The following CFAP52 variants were observed in gnomAD, a reference collection of about 807,000 sequenced individuals.
The protein encoded by CFAP52 is cilia- and flagella-associated protein 52.
CFAP52 carries 57 observed loss-of-function variants against 70.5 expected under a neutral mutation model. The ratio of observed to expected loss-of-function variants is 0.81; its 90% CI spans 0.65 to 1.01. The LOEUF is 1.01. Ranked by LOEUF, CFAP52 falls within the 50% of genes least tolerant of loss-of-function variation. CFAP52 has a pLI of 0.00. For missense variants in CFAP52, 785 were observed against 788.5 expected (o/e 1.00, Z 0.05); for synonymous variants, 267 against 292.5 (o/e 0.91, Z 0.89).
At chr17:9,587,211 A>C (rs1159455394) in intron 3 of CFAP52, among the ~76,000 whole-genome samples, 1 of 152,040 alleles carries the variant, frequency 6.6e-6, no homozygotes, top group Non-Finnish European at 1.5e-5. Context: ...ATTCTTTTTT[A>C]TGGCTGCGTA....
intron 7 of CFAP52, among the ~76,000 whole-genome samples, chr17:9,611,921 C>T (rs1909728027): frequency 6.6e-6 from 1 of 152,124 alleles, no homozygotes; most frequent in Non-Finnish European, 1.5e-5. Flanking sequence ...ATCATAGCAT[C>T]CTTTGACGTA....
intron 1 of CFAP52, among the ~76,000 whole-genome samples, chr17:9,580,016 G>A (rs2151924517): frequency 6.6e-6 from 1 of 152,274 alleles, no homozygotes; most frequent in Middle Eastern, 3.4e-3. Context: ...TAAGGGTTTG[G>A]TCACATTCAT....
chr17:9,631,052 G>GAGAGAGAGAGAGAGAGAAAGAA (rs370935367), intron 9 of CFAP52, among the ~76,000 whole-genome samples: 9 of 37,952 alleles, frequency 2.4e-4, no homozygotes, highest in East Asian at 4.5e-3. Context: ...GAGAGAGAGA[G>GAGAGAGAGAGAGAGAGAAAGAA]AGAAAGAAAG....
intron 1 of CFAP52, among the ~76,000 whole-genome samples, chr17:9,583,403 A>C (rs946337467): frequency 6.6e-6 from 1 of 152,156 alleles, no homozygotes; most frequent in Non-Finnish European, 1.5e-5. Flanking sequence ...AGAAGCATTC[A>C]TTTAAGAACA....
chr17:9,598,837 C>T (rs1409641044), intron 5 of CFAP52, among the ~76,000 whole-genome samples: 1 of 151,940 alleles, frequency 6.6e-6, no homozygotes, highest in Non-Finnish European at 1.5e-5. Flanking sequence ...CACCTAGACA[C>T]AGCACAGGTA....
chr17:9,625,274 C>G (rs192223299), intron 8 of CFAP52, among the ~76,000 whole-genome samples: 27 of 151,974 alleles, frequency 1.8e-4, no homozygotes, highest in African/African-American at 6.3e-4. Flanking sequence ...TCCCCCCATA[C>G]ATATATAATT....
intron 4 of CFAP52, among the ~76,000 whole-genome samples, chr17:9,596,051 A>ATGTGTGTG (rs10699113): frequency 0.087 from 6,677 of 77,108 alleles, 616 homozygotes; most frequent in Admixed American, 0.14. Flanking sequence ...GTAGATATAT[A>ATGTGTGTG]TGTGTGTGTA....
At chr17:9,634,644 G>A (rs1267068608) in intron 10 of CFAP52, among the ~76,000 whole-genome samples, 1 of 151,632 alleles carries the variant, frequency 6.6e-6, no homozygotes, top group Non-Finnish European at 1.5e-5. Context: ...CACTCCTGTA[G>A]TCCCAGCTAC....
intron 10 of CFAP52, among the ~76,000 whole-genome samples, 174 bp downstream of exon 10, chr17:9,633,207 T>C (rs1274989131): frequency 6.6e-6 from 1 of 152,196 alleles, no homozygotes; most frequent in Non-Finnish European, 1.5e-5. Flanking sequence ...ATATTATAAA[T>C]GTATACTTAT....
chr17:9,643,421 A>T lies in CFAP52; in HGVS notation c.*223A>T, dbSNP rs139528854. 178 of 394,356 alleles carry T rather than the reference A, an allele frequency of 4.5e-4. 1 individual carries two copies. The highest frequency in any genetic ancestry group is 3.3e-3 in the African/African-American group (159 of 48,494). The allele number at this position is 394,356 out of a possible 1,614,324, so 24.4% of individuals were successfully genotyped here. ...GCAGACTCTAATTAGAACTTTTAAC[A>T]TTTTGAATAAATTCTTAGTTGTTGG... On this transcript the variant is annotated 3_prime_UTR_variant, in exon 14 of 14. Coordinates refer to ENST00000352665, the MANE Select transcript of CFAP52 (RefSeq NM_145054.5).
intron 5 of CFAP52, 191 bp downstream of exon 5, chr17:9,598,524 G>A (rs1386153201): frequency 2.3e-6 from 1 of 427,708 alleles, no homozygotes; most frequent in Non-Finnish European, 4.2e-6. Flanking sequence ...CATTTTGGGA[G>A]GCGGAGGTGG....
intron 8 of CFAP52, among the ~76,000 whole-genome samples, chr17:9,625,436 T>C (rs1910201189): frequency 6.7e-6 from 1 of 149,908 alleles, no homozygotes; most frequent in South Asian, 2.1e-4. Context: ...TAGGGATACA[T>C]GTATAATTTA....
chr17:9,594,213 C>G lies in CFAP52; in HGVS notation c.428C>G (p.Ala143Gly), dbSNP rs751624199. ...DDGSVVVWSI[A>G]KRDAICGSPA... ...GGCAGTGTGGTGGTGTGGAGCATAG[C>G]CAAGAGAGATGCCATCTGTGGCAGC... Residue 143 changes from alanine (A) to glycine (G), a missense_variant, in exon 4 of 14, where the codon GCC becomes GGC. Ala to Gly is a moderately conservative substitution (Grantham distance 60, BLOSUM62 0). Coordinates refer to ENST00000352665, the MANE Select transcript of CFAP52 (RefSeq NM_145054.5). 1.2e-6 allele frequency: 2 copies of G among 1,612,936 alleles called. No individual in the cohort carries two copies. Among genetic ancestry groups the G allele is most frequent in the Non-Finnish European group, 1.7e-6 (2 of 1,179,680 alleles).
chr17:9,584,772 C>G (rs1382400083), intron 1 of CFAP52, among the ~76,000 whole-genome samples: 3 of 152,066 alleles, frequency 2.0e-5, no homozygotes, highest in African/African-American at 7.2e-5. Flanking sequence ...CAGGTGCCCA[C>G]CACCAAGCCC....
At chr17:9,593,564 T>G (rs992023024) in intron 3 of CFAP52, among the ~76,000 whole-genome samples, 18 of 152,146 alleles carry the variant, frequency 1.2e-4, no homozygotes, top group Non-Finnish European at 1.5e-4. Context: ...CAAGCGATTC[T>G]CCTGCCTCAG....
chr17:9,585,669 TCACA>T (rs371551896), intron 1 of CFAP52, 100 bp from the exon 2 acceptor site: 100 of 1,083,804 alleles, frequency 9.2e-5, no homozygotes, highest in Non-Finnish European at 1.2e-4. Context: ...CAAGACTCTG[TCACA>T]CACACACACA....
At chr17:9,579,047 G>T (rs908214523) in intron 1 of CFAP52, among the ~76,000 whole-genome samples, 32 of 152,234 alleles carry the variant, frequency 2.1e-4, no homozygotes, top group African/African-American at 7.7e-4. Flanking sequence ...GTGTTTTGGG[G>T]GTCCCTTTGT....
intron 8 of CFAP52, among the ~76,000 whole-genome samples, chr17:9,615,924 G>A (rs971994367): frequency 1.4e-5 from 2 of 146,928 alleles, no homozygotes; most frequent in East Asian, 4.1e-4. Flanking sequence ...TCAGATTATA[G>A]GCATGAGCCA....
chr17:9,642,186 C>T (rs1191106607), intron 13 of CFAP52, among the ~76,000 whole-genome samples: 1 of 152,136 alleles, frequency 6.6e-6, no homozygotes, highest in Non-Finnish European at 1.5e-5. Flanking sequence ...TCTTTTAATT[C>T]CACTTTATTA....
Sources: gnomAD v4.1 joint callset for allele counts (sites outside exome capture counted in the v4.1 genomes callset) on GRCh38, gnomAD v4.1.1 for gene constraint, MANE v1.5 for transcripts, NCBI Gene and HGNC (gene_info 2026-07-23, HGNC 2026-07-21) for gene names.